RGPD4: variants seen among roughly 807,000 people sequenced by gnomAD.
RGPD4 encodes RANBP2 like and GRIP domain containing 4.
In RGPD4, 84 loss-of-function variants were observed where a neutral mutation model predicts 141.1. The ratio of observed to expected loss-of-function variants is 0.60; its 90% CI spans 0.50 to 0.71. The LOEUF (loss-of-function observed/expected upper bound fraction) is 0.71, where lower values mean the gene tolerates loss of function less well. RGPD4 is among the 30% of genes least tolerant of loss of function. RGPD4 has a pLI of 0.00. For synonymous variants in RGPD4, 298 were observed against 566.8 expected (o/e 0.53, Z 6.74); for missense variants, 918 against 1,622.4 (o/e 0.57, Z 7.46).
In RGPD4 at chr2:107,871,855, A is replaced by C. The variant is rs747636768; in HGVS notation, c.3851A>C (p.His1284Pro). ...ASSPVRKNLF[H>P]FGESTTGSNF... Reference sequence around the variant, plus strand: ...AGCCCTGTGAGAAAAAATCTTTTCCATTTTGGTGAGTCAACAACAGGATCT... The same window carrying C: ...AGCCCTGTGAGAAAAAATCTTTTCCCTTTTGGTGAGTCAACAACAGGATCT... Residue 1284 changes from histidine (H) to proline (P), a missense_variant, in exon 20 of 23, where the codon CAT becomes CCT. His to Pro is a moderately conservative substitution (Grantham distance 77). Coordinates refer to ENST00000408999, the MANE Select transcript of RGPD4 (RefSeq NM_182588.3). 2 of 1,611,608 alleles carry C rather than the reference A, an allele frequency of 1.2e-6. No homozygotes were observed. The highest frequency in any genetic ancestry group is 2.2e-5 in the East Asian group (1 of 44,862).
rs748058726 is a variant in RGPD4 at position 107,826,971 on chromosome 2, G to C, written c.-43G>C. The C allele has an allele frequency of 2.5e-5, 40 of 1,575,562 alleles. No homozygotes were observed. Among genetic ancestry groups the C allele is most frequent in the Admixed American group, 3.7e-5 (2 of 54,158 alleles). ...TGGAATTGGCGACTGCTGCGGGGCT[G>C]AGCGCTGGTTTCACGCGTCTCGGGA... On this transcript the variant is annotated 5_prime_UTR_variant, in exon 1 of 23. Transcript: ENST00000408999.
intron 7 of RGPD4, among the ~76,000 whole-genome samples, chr2:107,851,202 G>A (rs1433179743): frequency 1.4e-5 from 1 of 71,062 alleles, no homozygotes; most frequent in Non-Finnish European, 3.1e-5. Context: ...GAACTCCTGG[G>A]CTCAGGTGAT....
At chr2:107,845,326 C>A (rs1681886027) in intron 6 of RGPD4, among the ~76,000 whole-genome samples, 2 of 129,952 alleles carry the variant, frequency 1.5e-5, no homozygotes, top group Admixed American at 8.8e-5. Context: ...GCAAGCTTCA[C>A]AATTTCCTCT....
At chr2:107,884,877 G>A (rs1001039938) in intron 22 of RGPD4, among the ~76,000 whole-genome samples, 246 of 151,956 alleles carry the variant, frequency 1.6e-3, no homozygotes, top group African/African-American at 5.7e-3. Flanking sequence ...TCTGGTCTGG[G>A]GCCCATACCT....
chr2:107,880,193 C>A (rs1675314038), intron 21 of RGPD4, 86 bp downstream of exon 21: 17 of 1,554,022 alleles, frequency 1.1e-5, no homozygotes, highest in Non-Finnish European at 1.5e-5. Flanking sequence ...TTTAAAAATT[C>A]ACATTGCAGA....
chr2:107,830,081 G>A (rs1323256623), intron 1 of RGPD4, among the ~76,000 whole-genome samples: 1 of 151,466 alleles, frequency 6.6e-6, no homozygotes, highest in Non-Finnish European at 1.5e-5. Context: ...GGTGTTTGTC[G>A]CTGTCCCTTT....
At chr2:107,883,466 C>T (rs1675425687) in intron 22 of RGPD4, among the ~76,000 whole-genome samples, 1 of 151,086 alleles carries the variant, frequency 6.6e-6, no homozygotes, top group Non-Finnish European at 1.5e-5. Context: ...CTCGTCTCTA[C>T]TAAAAATACA....
intron 22 of RGPD4, among the ~76,000 whole-genome samples, chr2:107,883,719 T>C (rs1383917716): frequency 3.3e-5 from 5 of 150,908 alleles, no homozygotes; most frequent in African/African-American, 4.9e-5. Context: ...TTAACTTCTT[T>C]GAAATGCTTC....
At chr2:107,869,849 C>T (rs1558812580) in intron 18 of RGPD4, 34 bp from the exon 19 acceptor site, 1 of 1,508,704 alleles carries the variant, frequency 6.6e-7, no homozygotes, top group South Asian at 1.2e-5. Context: ...TAGACTTTAA[C>T]AGTGTTTTCT....
intron 22 of RGPD4, among the ~76,000 whole-genome samples, chr2:107,883,350 G>A (rs568495768): frequency 6.6e-6 from 1 of 151,690 alleles, no homozygotes; most frequent in East Asian, 1.9e-4. Context: ...TGTGCCATAG[G>A]CCAGGCGCTG....
intron 21 of RGPD4, among the ~76,000 whole-genome samples, chr2:107,882,322 T>C (rs1371963255): frequency 6.6e-6 from 1 of 151,862 alleles, no homozygotes; most frequent in Non-Finnish European, 1.5e-5. Flanking sequence ...TTGTTGCCTT[T>C]CTACTTCACC....
At chr2:107,858,229 T>A (rs1682396633) in intron 9 of RGPD4, among the ~76,000 whole-genome samples, 1 of 151,926 alleles carries the variant, frequency 6.6e-6, no homozygotes, top group African/African-American at 2.4e-5. Flanking sequence ...CTGTTAATAA[T>A]CATACTCTGA....
At chr2:107,868,130 GTTAC>G in intron 18 of RGPD4, among the ~76,000 whole-genome samples, 1 of 54,276 alleles carries the variant, frequency 1.8e-5, no homozygotes, top group Non-Finnish European at 3.7e-5. Context: ...TTTTTTAAAT[GTTAC>G]TTTAGTTCTG....
chr2:107,884,300 C>G (rs1320569146), intron 22 of RGPD4, among the ~76,000 whole-genome samples: 4 of 152,156 alleles, frequency 2.6e-5, no homozygotes, highest in Non-Finnish European at 4.4e-5. Context: ...CGAGGTTTCA[C>G]CATGTTGGCC....
rs1206535267 is a variant in RGPD4 at position 107,868,890 on chromosome 2, AT to A, written c.2606-983del. 6.2e-4 allele frequency among the ~76,000 whole-genome samples: 18 copies of A among 29,214 alleles called. 3 individuals carry two copies. Among genetic ancestry groups the A allele is most frequent in the East Asian group, 1.7e-3 (6 of 3,458 alleles). 19.2% of individuals were successfully genotyped at this position (29,214 alleles called of 152,430 possible). On this transcript the variant is annotated intron_variant, in intron 18 of 22. Coordinates refer to ENST00000408999, the MANE Select transcript of RGPD4 (RefSeq NM_182588.3). ...GTCCCTACTTAAACTTCAGACTAAGATTTTTTTTTTATTTAATATTTTATTT... is the reference window on the plus strand; with the variant it reads ...GTCCCTACTTAAACTTCAGACTAAGATTTTTTTTTATTTAATATTTTATTT...
intron 1 of RGPD4, among the ~76,000 whole-genome samples, chr2:107,830,880 C>T (rs1681459803): frequency 6.6e-6 from 1 of 152,116 alleles, no homozygotes; most frequent in Non-Finnish European, 1.5e-5. Flanking sequence ...ATTTGTTAGT[C>T]TTCTCTTGTT....
rs1683147208 is a variant in RGPD4, at chr2:107,878,237, C to G, written c.4925-1731C>G. 2.6e-5 allele frequency among the ~76,000 whole-genome samples: 4 copies of G among 151,372 alleles called. No individual in the cohort carries two copies. In the South Asian group the frequency reaches 8.3e-4, roughly 31 times the overall value. Reference sequence around the variant, plus strand: ...ATTTTATTGTGTACCTCTGTAAGGCCGAATCAATAGATTTTGAACAATCTC... The same window carrying G: ...ATTTTATTGTGTACCTCTGTAAGGCGGAATCAATAGATTTTGAACAATCTC... On this transcript the variant is annotated intron_variant, in intron 20 of 22. Coordinates refer to ENST00000408999, the MANE Select transcript of RGPD4 (RefSeq NM_182588.3).
intron 9 of RGPD4, among the ~76,000 whole-genome samples, chr2:107,858,246 C>T (rs1328829048): frequency 1.3e-5 from 2 of 151,798 alleles, no homozygotes; most frequent in Non-Finnish European, 2.9e-5. Flanking sequence ...CTGATAAAAA[C>T]TTCAACAAAA....
At chr2:107,833,064 A>G (rs1681549053) in intron 1 of RGPD4, among the ~76,000 whole-genome samples, 1 of 149,792 alleles carries the variant, frequency 6.7e-6, no homozygotes, top group Non-Finnish European at 1.5e-5. Context: ...CAGTATCTAG[A>G]CTTTTCCTCA....
Sources: allele counts gnomAD v4.1 joint callset (sites outside exome capture counted in the v4.1 genomes callset), GRCh38; gene constraint gnomAD v4.1.1; transcripts MANE v1.5; gene names NCBI Gene and HGNC (gene_info 2026-07-23, HGNC 2026-07-21).